Variants in CACNB2 observed in about 807,000 individuals in gnomAD.
CACNB2 encodes calcium voltage-gated channel auxiliary subunit beta 2.
CACNB2 carries 42 observed loss-of-function variants against 73.3 expected under a neutral mutation model. The ratio of observed to expected loss-of-function variants is 0.57; its 90% CI spans 0.45 to 0.74. The LOEUF (loss-of-function observed/expected upper bound fraction) is 0.74. Among genes scored for constraint, CACNB2 ranks in the 30% least tolerant of loss-of-function variants. The pLI is 0.00. For missense variants in CACNB2, 940 were observed against 853.0 expected (o/e 1.10, Z -1.27); for synonymous variants, 348 against 310.3 (o/e 1.12, Z -1.28).
chr10:18,481,896 T>G (rs373749098), intron 3 of CACNB2, among the ~76,000 whole-genome samples: 6 of 152,302 alleles, frequency 3.9e-5, no homozygotes, highest in African/African-American at 1.4e-4. Context: ...ACAATTTTTT[T>G]TCTGAGACAG....
At chr10:18,531,474 T>C (rs2053023747) in intron 10 of CACNB2, among the ~76,000 whole-genome samples, 1 of 152,206 alleles carries the variant, frequency 6.6e-6, no homozygotes, top group African/African-American at 2.4e-5. Context: ...AGTGAACATA[T>C]ACATGCGTGT....
chr10:18,520,566 A>G (rs1198948097), intron 9 of CACNB2, among the ~76,000 whole-genome samples: 1 of 152,100 alleles, frequency 6.6e-6, no homozygotes, highest in Non-Finnish European at 1.5e-5. Flanking sequence ...CCACTCCTTT[A>G]CTCAAAACCA....
intron 2 of CACNB2, among the ~76,000 whole-genome samples, chr10:18,288,692 CACACACACACACAG>C (rs2038911574): frequency 2.0e-5 from 3 of 151,912 alleles, no homozygotes; most frequent in Admixed American, 6.6e-5. Context: ...CACACACACA[CACACACACACACAG>C]AGATACCCAG....
chr10:18,497,962 G>A (rs2049938425), intron 3 of CACNB2, among the ~76,000 whole-genome samples: 2 of 152,226 alleles, frequency 1.3e-5, no homozygotes, highest in Admixed American at 6.5e-5. Context: ...TAAAGTAGAT[G>A]TTTGGGGTAG....
chr10:18,466,999 C>G (rs189489655), intron 3 of CACNB2, among the ~76,000 whole-genome samples: 3 of 151,914 alleles, frequency 2.0e-5, no homozygotes, highest in Non-Finnish European at 2.9e-5. Flanking sequence ...ACTAAAAATA[C>G]AAAAATTAGC....
chr10:18,431,796 G>A (rs1382144659), intron 3 of CACNB2, among the ~76,000 whole-genome samples: 4 of 151,458 alleles, frequency 2.6e-5, no homozygotes, highest in South Asian at 2.1e-4. Context: ...ATGGAGTCTC[G>A]CTCTGTTGCC....
At position 18,542,313 on chromosome 10, in the gene CACNB2, G is replaced by C. The variant is rs2054102479; in HGVS notation, c.*2589G>C. On this transcript the variant is annotated 3_prime_UTR_variant, in exon 14 of 14. Transcript: ENST00000324631. ...AATTTATTTACTGAGTATAAAATCA[G>C]TAGTCATAATAAACTTGACAATTCT... 20 of 152,240 alleles carry C rather than the reference G, an allele frequency of 1.3e-4. No homozygotes were observed. The allele number at this position is 152,240 out of a possible 1,614,324, so 9.4% of individuals were successfully genotyped here. A position where few individuals can be genotyped will look rare whatever the true frequency, so the allele number is the denominator to read the frequency against.
Position 18,260,787 on chromosome 10 carries a change from C to A in CACNB2, c.213+109812C>A, listed in dbSNP as rs542703929. 6.2e-5 allele frequency: 63 copies of A among 1,010,458 alleles called. No homozygotes were observed. The African/African-American group carries it at 1.1e-3, about 17-fold the overall frequency. 62.6% of individuals were successfully genotyped at this position (1,010,458 alleles called of 1,614,324 possible). ...GCAGGAACAGCAGCGTGCTAAGAAGCAGTCACATAAACAGCAGCAGGAGTA... is the reference window on the plus strand; with the variant it reads ...GCAGGAACAGCAGCGTGCTAAGAAGAAGTCACATAAACAGCAGCAGGAGTA... On this transcript the variant is annotated intron_variant, in intron 2 of 13. Transcript: ENST00000324631.
At chr10:18,445,305 G>C (rs535940204) in intron 3 of CACNB2, among the ~76,000 whole-genome samples, 3 of 152,112 alleles carry the variant, frequency 2.0e-5, no homozygotes, top group Non-Finnish European at 4.4e-5. Context: ...CTTGAACTAC[G>C]GTGTTTATAA....
At chr10:18,439,800 C>T (rs923917409) in intron 3 of CACNB2, among the ~76,000 whole-genome samples, 46 of 152,322 alleles carry the variant, frequency 3.0e-4, no homozygotes, top group African/African-American at 1.1e-3. Context: ...TTCCTCCCTC[C>T]CTCCCTTCTG....
intron 2 of CACNB2, among the ~76,000 whole-genome samples, chr10:18,256,263 T>A (rs2037283289): frequency 6.8e-6 from 1 of 146,654 alleles, no homozygotes; most frequent in African/African-American, 2.4e-5. Flanking sequence ...TTTTGTTGAC[T>A]TTATTTGATT....
At chr10:18,440,523 C>G (rs1043454407) in intron 3 of CACNB2, among the ~76,000 whole-genome samples, 1 of 152,100 alleles carries the variant, frequency 6.6e-6, no homozygotes, top group Non-Finnish European at 1.5e-5. Context: ...CAAAAATTAA[C>G]TGGCATGGTG....
In CACNB2 at chr10:18,445,984, A is replaced by G. The variant is rs1589381150; in HGVS notation, c.333+43941A>G. Among the ~76,000 whole-genome samples the G allele has an allele frequency of 5.9e-5, 9 of 152,312 alleles. No homozygotes were observed. The South Asian group carries it at 8.3e-4, about 14-fold the overall frequency. ...AGGAGGAGGAGGTTTCAGTGAGCCA[A>G]GATCACACCATTACACTCCAGCCTG... is the stretch of plus-strand genomic sequence containing the variant. On this transcript the variant is annotated intron_variant, in intron 3 of 13. Transcript: ENST00000324631.
intron 10 of CACNB2, 31 bp downstream of exon 10, chr10:18,527,728 A>C (rs1438157370): frequency 7.6e-7 from 1 of 1,317,048 alleles, no homozygotes; most frequent in Non-Finnish European, 1.1e-6. Flanking sequence ...TAAGCTTTTT[A>C]AACTCTCCTC....
At chr10:18,447,570 T>A (rs75580483) in intron 3 of CACNB2, among the ~76,000 whole-genome samples, 1 of 151,878 alleles carries the variant, frequency 6.6e-6, no homozygotes, top group Non-Finnish European at 1.5e-5. Flanking sequence ...AGTCAGGGAG[T>A]GTTCAGCAAC....
intron 1 of CACNB2, chr10:18,141,272 A>G (rs1241644856): frequency 2.1e-5 from 29 of 1,378,472 alleles, no homozygotes; most frequent in Non-Finnish European, 3.0e-6. Context: ...TACGATGCCG[A>G]CTCTCCTGGC....
At position 18,150,899 on chromosome 10, in the gene CACNB2, C is replaced by T; in HGVS notation, c.137C>T (p.Ala46Val). The change falls in exon 2 of 14, where the codon GCC becomes GTC. Residue 46 changes from alanine to valine, a missense_variant. Transcript: ENST00000324631. ...GAAAQSYGKG[A>V]RRKNRFKGSD... is the part of the protein sequence containing the mutation. ...TTTTTTTAGTCATATGGAAAAGGAG[C>T]CAGAAGGAAAAACAGATTTAAAGGA... 4.7e-6 allele frequency: 5 copies of T among 1,064,516 alleles called. No homozygotes were observed. Among genetic ancestry groups the T allele is most frequent in the Non-Finnish European group, 6.5e-6 (5 of 764,554 alleles). 65.9% of individuals were successfully genotyped at this position (1,064,516 alleles called of 1,614,324 possible). A position where few individuals can be genotyped will look rare whatever the true frequency, so the allele number is the denominator to read the frequency against.
intron 2 of CACNB2, among the ~76,000 whole-genome samples, chr10:18,382,223 C>G (rs1402443161): frequency 6.6e-6 from 1 of 151,858 alleles, no homozygotes; most frequent in Non-Finnish European, 1.5e-5. Flanking sequence ...CCAGCATTGT[C>G]TAGAATTTTC....
chr10:18,499,236 A>G (rs990794402), intron 4 of CACNB2, among the ~76,000 whole-genome samples: 3 of 152,166 alleles, frequency 2.0e-5, no homozygotes, highest in African/African-American at 7.2e-5. Flanking sequence ...CATCTAGGGT[A>G]TATATAATAT....
Sources: allele counts gnomAD v4.1 joint callset (sites outside exome capture counted in the v4.1 genomes callset), GRCh38; gene constraint gnomAD v4.1.1; transcripts MANE v1.5; gene names NCBI Gene and HGNC (gene_info 2026-07-23, HGNC 2026-07-21).